The following ZNF341 variants were observed in gnomAD, a reference collection of about 807,000 sequenced individuals.
The protein encoded by ZNF341 is zinc finger protein 341.
Under a neutral mutation model 87.7 loss-of-function variants are expected in ZNF341, and 52 were observed. The observed-to-expected ratio is 0.59, with a 90% CI of 0.47 to 0.75. ZNF341 has a LOEUF of 0.75. Among genes scored for constraint, ZNF341 ranks in the 30% least tolerant of loss-of-function variants. The pLI is 0.00. For missense variants in ZNF341, 977 were observed against 1,145.9 expected, an observed-to-expected ratio of 0.85 and a Z score of 2.13; for synonymous variants, 459 against 472.7, an observed-to-expected ratio of 0.97 and a Z score of 0.38.
intron 3 of ZNF341, among the ~76,000 whole-genome samples, chr20:33,745,553 C>T (rs776687388): frequency 9.2e-5 from 14 of 151,684 alleles, no homozygotes; most frequent in Non-Finnish European, 1.8e-4. Flanking sequence ...GAAGAGGTGA[C>T]CAGGAAGAAT....
intron 6 of ZNF341, among the ~76,000 whole-genome samples, chr20:33,757,792 C>T (rs1168912071): frequency 6.6e-6 from 1 of 152,176 alleles, no homozygotes; most frequent in Non-Finnish European, 1.5e-5. Flanking sequence ...GTCACATGGC[C>T]ATACCTAGCT....
rs372773301 is a variant in ZNF341 at position 33,753,442 on chromosome 20, G to T, written c.741+19G>T. The T allele has an allele frequency of 3.6e-5, 57 of 1,566,070 alleles. No homozygotes were observed. The highest frequency in any genetic ancestry group is 4.8e-5 in the Non-Finnish European group (56 of 1,157,330). On this transcript the variant is annotated intron_variant, in intron 5 of 14. Transcript: ENST00000375200. ...CCTAGAGGTGAGCAGAGGGGGCAGG[G>T]TGGAAGAGGACACTGGTCATGGACA...
At position 33,791,577 on chromosome 20, in the gene ZNF341, C is replaced by G. The variant is rs1447654390; in HGVS notation, c.*60C>G. On this transcript the variant is annotated 3_prime_UTR_variant, in exon 15 of 15. Coordinates refer to ENST00000375200, the MANE Select transcript of ZNF341 (RefSeq NM_001282933.2). ...ATGCTCCTGTTTGGGTCCAGGGCCC[C>G]TGGGGGCAGACCGGTGATCCTTACC... 2 of 1,467,006 alleles carry G rather than the reference C, an allele frequency of 1.4e-6. No individual in the cohort carries two copies. The highest frequency in any genetic ancestry group is 1.8e-6 in the Non-Finnish European group (2 of 1,111,584). The allele number at this position is 1,467,006 out of a possible 1,614,324, so 90.9% of individuals were successfully genotyped here.
chr20:33,768,162 GC>G (rs1568586387), intron 9 of ZNF341, among the ~76,000 whole-genome samples: 1 of 150,784 alleles, frequency 6.6e-6, no homozygotes, highest in Non-Finnish European at 1.5e-5. Context: ...TCACTCTGTC[GC>G]CCAGGCTGGA....
chr20:33,755,011 C>T (rs1033828561), intron 5 of ZNF341, among the ~76,000 whole-genome samples: 3 of 151,706 alleles, frequency 2.0e-5, no homozygotes, highest in East Asian at 1.9e-4. Flanking sequence ...GGTGTGATCT[C>T]GGCTCACTGC....
chr20:33,752,647 C>CT, intron 4 of ZNF341: 5 of 213,360 alleles, frequency 2.3e-5, no homozygotes, highest in East Asian at 1.4e-4. Flanking sequence ...TGCCTATTTT[C>CT]TTTTCTTTTT....
intron 13 of ZNF341, 93 bp from the exon 14 acceptor site, chr20:33,789,425 A>G (rs2019949046): frequency 7.5e-7 from 1 of 1,337,590 alleles, no homozygotes; most frequent in South Asian, 1.2e-5. Context: ...TAGGGTGGAC[A>G]AGGCTGTCCC....
intron 5 of ZNF341, among the ~76,000 whole-genome samples, chr20:33,754,680 G>T (rs2019138138): frequency 6.6e-6 from 1 of 152,194 alleles, no homozygotes; most frequent in Non-Finnish European, 1.5e-5. Context: ...CAGCACAGAA[G>T]GAGCTGCTGC....
chr20:33,762,383 T>C (rs1483848210), intron 8 of ZNF341, among the ~76,000 whole-genome samples: 1 of 151,892 alleles, frequency 6.6e-6, no homozygotes, highest in Non-Finnish European at 1.5e-5. Flanking sequence ...CAGACCATGA[T>C]TGACTTTGGG....
chr20:33,758,381 C>G (rs1368483944), intron 6 of ZNF341, among the ~76,000 whole-genome samples: 1 of 152,142 alleles, frequency 6.6e-6, no homozygotes, highest in Non-Finnish European at 1.5e-5. Context: ...GCAAGGTTAG[C>G]TAGGAGTCCA....
chr20:33,786,326 ATTTCAGCTATTAGT>A (rs1263440879), intron 12 of ZNF341, among the ~76,000 whole-genome samples: 5 of 152,116 alleles, frequency 3.3e-5, no homozygotes, highest in African/African-American at 1.2e-4. Context: ...GTTAAATTAC[ATTTCAGCTATTAGT>A]TTGTACACAC....
intron 5 of ZNF341, among the ~76,000 whole-genome samples, chr20:33,756,441 A>G (rs979541176): frequency 6.9e-6 from 1 of 145,182 alleles, no homozygotes; most frequent in African/African-American, 2.6e-5. Flanking sequence ...ATCTCGGCCC[A>G]CTGCAACCTC....
chr20:33,741,071 T>C lies in ZNF341; in HGVS notation c.142+59T>C. ...TGAATGGCTCCCCGCGAAGAGTAGG[T>C]GGAGCTTGTGCTGGGCTGTGGGAGT... On this transcript the variant is annotated intron_variant, in intron 2 of 14. Coordinates refer to ENST00000375200, the MANE Select transcript of ZNF341 (RefSeq NM_001282933.2). 2.0e-6 allele frequency: 3 copies of C among 1,497,810 alleles called. No homozygotes were observed. In the South Asian group the frequency reaches 3.4e-5, roughly 17 times the overall value. 92.8% of individuals were successfully genotyped at this position (1,497,810 alleles called of 1,614,324 possible). A position where few individuals can be genotyped will look rare whatever the true frequency, so the allele number is the denominator to read the frequency against.
intron 1 of ZNF341, among the ~76,000 whole-genome samples, chr20:33,737,492 T>G (rs1484606108): frequency 6.6e-6 from 1 of 152,058 alleles, no homozygotes; most frequent in African/African-American, 2.4e-5. Flanking sequence ...CGGCTAATTT[T>G]TTATATTTTT....
rs1403629574 is a variant in ZNF341, at chr20:33,745,253, C to T, written c.293C>T (p.Ala98Val). ...ACCAACAGCATCTACCCACCTTCGGCAGCACCCACAGCGGTCCAGCAGGCC... is the reference window on the plus strand; with the variant it reads ...ACCAACAGCATCTACCCACCTTCGGTAGCACCCACAGCGGTCCAGCAGGCC... Reference protein sequence around the residue: ...LATNSIYPPSAAPTAVQQAPT... With the variant: ...LATNSIYPPSVAPTAVQQAPT... The change falls in exon 3 of 15, where the codon GCA (alanine) becomes GTA (valine). Residue 98 changes from alanine to valine, a missense_variant. Physicochemically the swap from Ala to Val is moderately conservative, Grantham distance 64. Coordinates refer to ENST00000375200, the MANE Select transcript of ZNF341 (RefSeq NM_001282933.2). 4 of 1,614,066 alleles carry T rather than the reference C, an allele frequency of 2.5e-6. No individual in the cohort carries two copies. In the African/African-American group the frequency reaches 4.0e-5, roughly 16 times the overall value.
At position 33,791,623 on chromosome 20, in the gene ZNF341, C is replaced by A; in HGVS notation, c.*106C>A. The A allele has an allele frequency of 7.9e-7, 1 of 1,273,870 alleles. No homozygotes were observed. The highest frequency in any genetic ancestry group is 1.0e-6 in the Non-Finnish European group (1 of 957,836). The allele number at this position is 1,273,870 out of a possible 1,614,324, so 78.9% of individuals were successfully genotyped here. On this transcript the variant is annotated 3_prime_UTR_variant, in exon 15 of 15. Coordinates refer to ENST00000375200, the MANE Select transcript of ZNF341 (RefSeq NM_001282933.2). ...TTACCAGTGGAAGCGAGCCATCGAG[C>A]CATTGGCAGAAATCCTGCTGAATGT...
intron 10 of ZNF341, among the ~76,000 whole-genome samples, chr20:33,776,427 A>G (rs2019628756): frequency 6.7e-6 from 1 of 148,262 alleles, no homozygotes; most frequent in Non-Finnish European, 1.5e-5. Context: ...TCACTCTGTC[A>G]CCCAGGCTAG....
intron 10 of ZNF341, among the ~76,000 whole-genome samples, chr20:33,774,037 T>G (rs2019577392): frequency 1.3e-5 from 2 of 151,464 alleles, no homozygotes; most frequent in African/African-American, 4.9e-5. Context: ...CCCAGCACTT[T>G]GGGAGTCCGA....
At chr20:33,745,684 A>G (rs1012145538) in intron 3 of ZNF341, among the ~76,000 whole-genome samples, 3 of 152,154 alleles carry the variant, frequency 2.0e-5, no homozygotes, top group African/African-American at 7.2e-5. Flanking sequence ...AGTTACTTAA[A>G]TAAGTAGGAA....
Sources: gnomAD v4.1 joint callset for allele counts (sites outside exome capture counted in the v4.1 genomes callset) on GRCh38, gnomAD v4.1.1 for gene constraint, MANE v1.5 for transcripts, NCBI Gene and HGNC (gene_info 2026-07-23, HGNC 2026-07-21) for gene names.